RYR2: variants seen among roughly 807,000 people sequenced by gnomAD.
RYR2 encodes cardiac muscle ryanodine receptor-calcium release channel.
A neutral mutation model predicts 601.1 loss-of-function variants in RYR2; 227 were observed. The ratio of observed to expected loss-of-function variants is 0.38; its 90% CI spans 0.34 to 0.42. The LOEUF is 0.42. Among genes scored for constraint, RYR2 ranks in the 10% least tolerant of loss-of-function variants. The pLI is 1.00. For synonymous variants in RYR2, 2,223 were observed against 2,175.1 expected, an observed-to-expected ratio of 1.02 and a Z score of -0.61; for missense variants, 4,646 against 6,156.5, an observed-to-expected ratio of 0.75 and a Z score of 8.21.
chr1:237,691,510 A>T (rs1686942473), intron 63 of RYR2, among the ~76,000 whole-genome samples: 1 of 152,232 alleles, frequency 6.6e-6, no homozygotes. Flanking sequence ...GAGGATTCTC[A>T]AAACTTTGGC....
At chr1:237,770,212 ACATCT>A (rs1694164366) in intron 84 of RYR2, among the ~76,000 whole-genome samples, 1 of 152,148 alleles carries the variant, frequency 6.6e-6, no homozygotes, top group Admixed American at 6.6e-5. Context: ...CAAACCAGTC[ACATCT>A]CTATTTTAGA....
In RYR2 at chr1:237,609,968, A is replaced by G. The variant is rs183838459; in HGVS notation, c.4684-794A>G. Among the ~76,000 whole-genome samples, 785 of 152,284 alleles carry G rather than the reference A, an allele frequency of 5.2e-3. 1 individual carries two copies. Among genetic ancestry groups the G allele is most frequent in the Non-Finnish European group, 9.0e-3 (610 of 68,028 alleles). On this transcript the variant is annotated intron_variant, in intron 35 of 104. Transcript: ENST00000366574. ...CCGCCTATTGTTAGAGGGCAATAGG[A>G]AAGCAGTTTGAGGATGAAGTAGTCT...
rs730880191 is a variant in RYR2, at chr1:237,566,623, G to A, written c.3271G>A (p.Glu1091Lys). 2.5e-6 allele frequency: 4 copies of A among 1,613,978 alleles called. No individual in the cohort carries two copies. The highest frequency in any genetic ancestry group is 1.7e-5 in the Admixed American group (1 of 60,026). ...TGERFRIFRA[E>K]KTYAVKAGRW... ...GGAAAGGTTCCGAATCTTCCGTGCC[G>A]AGAAGACCTATGCAGTGAAGGCCGG... The change falls in exon 28 of 105, where the codon GAG becomes AAG. Residue 1091 changes from glutamate (E) to lysine (K), a missense_variant. Around this residue, in one of 17 missense-constraint regions of RYR2, gnomAD observed 1,807 missense variants for 2,088.1 expected, o/e 0.87. Transcript: ENST00000366574.
chr1:237,572,411 T>C (rs1672795701), intron 29 of RYR2, among the ~76,000 whole-genome samples: 1 of 152,230 alleles, frequency 6.6e-6, no homozygotes, highest in Non-Finnish European at 1.5e-5. Flanking sequence ...ATCCGTACTA[T>C]TTAAGCACGT....
chr1:237,260,317 G>C (rs765853472), intron 1 of RYR2, among the ~76,000 whole-genome samples: 5 of 152,194 alleles, frequency 3.3e-5, no homozygotes, highest in Non-Finnish European at 5.9e-5. Context: ...CTGACCCATA[G>C]GATGTAGGTG....
chr1:237,459,553 T>C (rs1269013129), intron 16 of RYR2, among the ~76,000 whole-genome samples: 1 of 152,232 alleles, frequency 6.6e-6, no homozygotes, highest in African/African-American at 2.4e-5. Context: ...TGTTCATTGG[T>C]CCCTTCAACA....
chr1:237,104,734 T>C (rs757315398), intron 1 of RYR2, among the ~76,000 whole-genome samples: 11 of 152,160 alleles, frequency 7.2e-5, no homozygotes, highest in Non-Finnish European at 1.3e-4. Context: ...TACTTGTATA[T>C]GTACTTCTCT....
rs1487476197 is a variant in RYR2, at chr1:237,083,452, G to A, written c.48+40883G>A. On this transcript the variant is annotated intron_variant, in intron 1 of 104. Transcript: ENST00000366574. ...AGAATTTAAAACAAAAAACATGGGA[G>A]GGCTAAGCTCCTTTTTTGATAAATT... Among the ~76,000 whole-genome samples, 4 of 152,086 alleles carry A rather than the reference G, an allele frequency of 2.6e-5. 1 individual carries two copies. The highest frequency in any genetic ancestry group is 9.7e-5 in the African/African-American group (4 of 41,406).
At chr1:237,492,910 C>CAGGG in intron 18 of RYR2, 44 bp from the exon 19 acceptor site, 1 of 1,143,278 alleles carries the variant, frequency 8.7e-7, no homozygotes. Context: ...GGAGGGAAAG[C>CAGGG]AGGGAGGGAG....
rs535832334 is a variant in RYR2 at position 237,143,582 on chromosome 1, G to C, written c.48+101013G>C. On this transcript the variant is annotated intron_variant, in intron 1 of 104. Coordinates refer to ENST00000366574, the MANE Select transcript of RYR2 (RefSeq NM_001035.3). ...TTCACGGGGCAGAACTTACCGTGTA[G>C]AGTTCCACTGGAGTCTCCCGTGGCC... 3.3e-5 allele frequency among the ~76,000 whole-genome samples: 5 copies of C among 152,226 alleles called. No homozygotes were observed. The South Asian group carries it at 1.0e-3, about 32-fold the overall frequency.
chr1:237,173,028 T>C (rs901302510), intron 1 of RYR2, among the ~76,000 whole-genome samples: 4 of 152,212 alleles, frequency 2.6e-5, no homozygotes, highest in African/African-American at 4.8e-5. Flanking sequence ...TTAACCCTTA[T>C]GATAACTGTT....
intron 80 of RYR2, among the ~76,000 whole-genome samples, chr1:237,746,034 G>A (rs1448824882): frequency 7.2e-5 from 11 of 151,962 alleles, no homozygotes; most frequent in Admixed American, 6.6e-4. Context: ...TTACAAAGCT[G>A]AGAAACAGAG....
intron 91 of RYR2, 81 bp downstream of exon 91, chr1:237,786,117 T>C (rs539311042): frequency 8.1e-6 from 7 of 863,916 alleles, no homozygotes; most frequent in Non-Finnish European, 1.3e-5. Flanking sequence ...CTTTGGGAGC[T>C]GCAAGGGAGA....
intron 2 of RYR2, among the ~76,000 whole-genome samples, chr1:237,310,646 G>C (rs1694459138): frequency 6.6e-6 from 1 of 152,148 alleles, no homozygotes; most frequent in Admixed American, 6.5e-5. Context: ...ACCACAGACT[G>C]TTTCTGTGAT....
intron 1 of RYR2, among the ~76,000 whole-genome samples, chr1:237,215,438 C>T (rs1363272485): frequency 6.6e-6 from 1 of 152,110 alleles, no homozygotes; most frequent in East Asian, 1.9e-4. Flanking sequence ...TGTGCTGGAA[C>T]TCCTGGAATC....
chr1:237,177,393 C>CTCTGTAAG (rs907312832), intron 1 of RYR2, among the ~76,000 whole-genome samples: 3 of 152,170 alleles, frequency 2.0e-5, no homozygotes, highest in Non-Finnish European at 4.4e-5. Flanking sequence ...TTCAGTGGTT[C>CTCTGTAAG]TCTGTAAGCA....
At position 237,110,683 on chromosome 1, in the gene RYR2, T is replaced by G. The variant is rs145989115; in HGVS notation, c.48+68114T>G. 1.4e-4 allele frequency among the ~76,000 whole-genome samples: 22 copies of G among 152,314 alleles called. No homozygotes were observed. The East Asian group carries it at 4.2e-3, about 29-fold the overall frequency. On this transcript the variant is annotated intron_variant, in intron 1 of 104. Transcript: ENST00000366574. ...TTGTCTCAGGTAGGGGCACACCTGCTATCTTCCAGGTAGGCACTGTTCCTC... is the reference window on the plus strand; with the variant it reads ...TTGTCTCAGGTAGGGGCACACCTGCGATCTTCCAGGTAGGCACTGTTCCTC...
At chr1:237,684,088 C>T (rs377292072) in intron 62 of RYR2, among the ~76,000 whole-genome samples, 114 of 151,034 alleles carry the variant, frequency 7.5e-4, no homozygotes, top group East Asian at 3.9e-3. Context: ...CCACCATGCC[C>T]GGCTAATTTT....
intron 1 of RYR2, among the ~76,000 whole-genome samples, chr1:237,185,854 GT>G (rs997800938): frequency 6.6e-6 from 1 of 152,182 alleles, no homozygotes; most frequent in African/African-American, 2.4e-5. Flanking sequence ...TTCCTTTGCT[GT>G]TTTTGTACAC....
Sources: allele counts gnomAD v4.1 joint callset (sites outside exome capture counted in the v4.1 genomes callset), GRCh38; gene constraint gnomAD v4.1.1; regional missense constraint gnomAD v4.1.1; transcripts MANE v1.5; gene names NCBI Gene and HGNC (gene_info 2026-07-23, HGNC 2026-07-21).